The following STK3 variants were observed in gnomAD, a reference collection of about 807,000 sequenced individuals.
STK3 encodes the protein serine/threonine kinase 3.
Under a neutral mutation model 58.0 loss-of-function variants are expected in STK3, and 41 were observed. The ratio of observed to expected loss-of-function variants is 0.71; its 90% CI spans 0.55 to 0.92. STK3 has a LOEUF of 0.92. STK3 is among the 40% of genes least tolerant of loss of function. The probability of loss-of-function intolerance (pLI) is 0.00; values close to 1 mark genes in which losing one functional copy is unlikely to be tolerated. For missense variants in STK3, 479 were observed against 602.7 expected, an observed-to-expected ratio of 0.79 and a Z score of 2.15; for synonymous variants, 170 against 191.0, an observed-to-expected ratio of 0.89 and a Z score of 0.91.
rs920373269 is a variant in STK3, at chr8:98,737,976, C to T, written c.351+11300G>A. On this transcript the variant is annotated intron_variant, in intron 4 of 10. Transcript: ENST00000419617. ...CCACCTGCCTTGGCCTCCAGAAGTGCCAGGATTACAGGCGTGAGCCACCGC... is the reference window on the plus strand; with the variant it reads ...CCACCTGCCTTGGCCTCCAGAAGTGTCAGGATTACAGGCGTGAGCCACCGC... 4.6e-5 allele frequency among the ~76,000 whole-genome samples: 7 copies of T among 152,190 alleles called. No homozygotes were observed. In the South Asian group the frequency reaches 1.5e-3, roughly 32 times the overall value.
At chr8:98,486,944 T>G (rs1040040087) in intron 10 of STK3, among the ~76,000 whole-genome samples, 2 of 152,206 alleles carry the variant, frequency 1.3e-5, no homozygotes, top group African/African-American at 4.8e-5. Context: ...TTAGACTGTT[T>G]GCATATATTT....
intron 8 of STK3, among the ~76,000 whole-genome samples, chr8:98,575,377 C>T (rs1247608615): frequency 6.7e-6 from 1 of 149,550 alleles, no homozygotes; most frequent in African/African-American, 2.5e-5. Flanking sequence ...ACTTCATATA[C>T]AAAAAATTAA....
At position 98,670,338 on chromosome 8, in the gene STK3, G is replaced by T. The variant is rs1587241899; in HGVS notation, c.684+36129C>A. Among the ~76,000 whole-genome samples, 5 of 152,152 alleles carry T rather than the reference G, an allele frequency of 3.3e-5. No homozygotes were observed. The Middle Eastern group carries it at 0.014, about 414-fold the overall frequency. On this transcript the variant is annotated intron_variant, in intron 6 of 10. Coordinates refer to ENST00000419617, the MANE Select transcript of STK3 (RefSeq NM_006281.4). ...GATCGCACCACTGCTCTCCAGCCTG[G>T]GTTACAGAGTGGGGCCTCATCTCAA...
At chr8:98,782,349 T>C in intron 1 of STK3, 1 of 186,996 alleles carries the variant, frequency 5.3e-6, no homozygotes, top group South Asian at 1.2e-4. Context: ...GAATTCTGCA[T>C]CAGCTGCTCA....
intron 6 of STK3, among the ~76,000 whole-genome samples, chr8:98,701,044 C>T (rs1825559562): frequency 6.6e-6 from 1 of 151,916 alleles, no homozygotes; most frequent in Non-Finnish European, 1.5e-5. Context: ...TGGTGTGCAC[C>T]TGTAGTTCCA....
At chr8:98,449,930 G>C (rs565833228), downstream of STK3, among the ~76,000 whole-genome samples, 2 of 152,134 alleles carry the variant, frequency 1.3e-5, no homozygotes, top group Non-Finnish European at 2.9e-5. Flanking sequence ...CTGTGACACA[G>C]TATGAGGCTC....
intron 1 of STK3, among the ~76,000 whole-genome samples, chr8:98,792,848 G>A (rs1356775260): frequency 2.0e-5 from 3 of 152,000 alleles, no homozygotes; most frequent in African/African-American, 7.3e-5. Context: ...GCAAAAATGT[G>A]GAACCAACCT....
At chr8:98,910,669 A>C (rs1839093409) in intron 1 of STK3, among the ~76,000 whole-genome samples, 1 of 152,210 alleles carries the variant, frequency 6.6e-6, no homozygotes, top group African/African-American at 2.4e-5. Flanking sequence ...TTATTGGATG[A>C]CATTAGTCCC....
intron 6 of STK3, among the ~76,000 whole-genome samples, chr8:98,653,572 T>C (rs1217700521): frequency 6.6e-6 from 1 of 151,894 alleles, no homozygotes; most frequent in Non-Finnish European, 1.5e-5. Context: ...TCAACAAAAT[T>C]GATAGACCAC....
At chr8:98,589,779 G>A (rs559096809) in intron 7 of STK3, among the ~76,000 whole-genome samples, 5 of 152,238 alleles carry the variant, frequency 3.3e-5, no homozygotes, top group African/African-American at 9.6e-5. Flanking sequence ...CTCTGAGCCA[G>A]GTGCGGGATA....
intron 3 of STK3, among the ~76,000 whole-genome samples, chr8:98,757,329 C>T (rs1007944430): frequency 6.6e-6 from 1 of 150,680 alleles, no homozygotes; most frequent in Non-Finnish European, 1.5e-5. Context: ...TACAGGCACC[C>T]GCCACCATGC....
intron 6 of STK3, among the ~76,000 whole-genome samples, chr8:98,615,192 C>T (rs913684362): frequency 5.4e-4 from 82 of 151,828 alleles, no homozygotes; most frequent in African/African-American, 1.8e-3. Context: ...CACCCCCTAG[C>T]AGGGGCACAC....
intron 10 of STK3, among the ~76,000 whole-genome samples, chr8:98,474,209 C>G (rs1409662290): frequency 6.6e-6 from 1 of 152,182 alleles, no homozygotes; most frequent in Non-Finnish European, 1.5e-5. Flanking sequence ...GCCCTCTTAT[C>G]TTGAGCACAC....
intron 2 of STK3, among the ~76,000 whole-genome samples, chr8:98,375,271 C>CA (rs10659549): frequency 0.017 from 2,323 of 138,230 alleles, 60 homozygotes; most frequent in African/African-American, 0.051. Context: ...AAAAAAAAAA[C>CA]AAAAAAAAAC....
intron 6 of STK3, among the ~76,000 whole-genome samples, chr8:98,625,077 G>A (rs1186387564): frequency 6.6e-6 from 1 of 152,158 alleles, no homozygotes; most frequent in Non-Finnish European, 1.5e-5. Context: ...ACTGCTGAGT[G>A]TGAATCAGCA....
intron 1 of STK3, among the ~76,000 whole-genome samples, chr8:98,801,819 C>A (rs1196734375): frequency 1.3e-5 from 2 of 151,978 alleles, no homozygotes; most frequent in Non-Finnish European, 2.9e-5. Context: ...CATCCAAATT[C>A]TCTAGCACTT....
intron 3 of STK3, among the ~76,000 whole-genome samples, chr8:98,839,229 G>A (rs544534275): frequency 1.3e-5 from 2 of 152,014 alleles, no homozygotes; most frequent in East Asian, 1.9e-4. Flanking sequence ...ACAATTTTTT[G>A]TAGCACCAGG....
chr8:98,914,123 C>T (rs1344662094), intron 1 of STK3, among the ~76,000 whole-genome samples: 1 of 151,310 alleles, frequency 6.6e-6, no homozygotes, highest in African/African-American at 2.4e-5. Flanking sequence ...TGCACTTGTA[C>T]TCCCTAAATC....
chr8:98,917,162 T>G lies in STK3; in HGVS notation c.-79+25216A>C, dbSNP rs545385215. Among the ~76,000 whole-genome samples the G allele has an allele frequency of 2.0e-5, 3 of 152,340 alleles. No homozygotes were observed. In the South Asian group the frequency reaches 6.2e-4, roughly 32 times the overall value. ...TGCATCTAGGTCATGGTAAGGATTA[T>G]TCCAGAAATCTGCTGAAATGCAGAT... On this transcript the variant is annotated intron_variant, in intron 1 of 1. Coordinates refer to the STK3 transcript ENST00000519420.
Sources: allele counts gnomAD v4.1 joint callset (sites outside exome capture counted in the v4.1 genomes callset), GRCh38; gene constraint gnomAD v4.1.1; transcripts MANE v1.5; gene names NCBI Gene and HGNC (gene_info 2026-07-23, HGNC 2026-07-21).